Variants in KCNIP4 observed in about 807,000 individuals in gnomAD.
KCNIP4 encodes Kv channel-interacting protein 4.
In KCNIP4, 12 loss-of-function variants were observed where a neutral mutation model predicts 34.0. That is an observed-to-expected ratio of 0.35 (90% CI 0.23 to 0.57). The LOEUF (loss-of-function observed/expected upper bound fraction) is 0.57, where lower values mean the gene tolerates loss of function less well. KCNIP4 is among the 20% of genes least tolerant of loss of function. The pLI is 0.83. For synonymous variants in KCNIP4, 124 were observed against 102.2 expected, an observed-to-expected ratio of 1.21 and a Z score of -1.29; for missense variants, 238 against 311.7, an observed-to-expected ratio of 0.76 and a Z score of 1.78.
chr4:21,271,655 C>T (rs6826133), intron 1 of KCNIP4, among the ~76,000 whole-genome samples: 12 of 152,010 alleles, frequency 7.9e-5, no homozygotes. Flanking sequence ...GCTTCATAAT[C>T]ACCCCCAGGT....
At chr4:20,994,087 A>G (rs1737322599) in intron 1 of KCNIP4, among the ~76,000 whole-genome samples, 1 of 152,170 alleles carries the variant, frequency 6.6e-6, no homozygotes, top group Non-Finnish European at 1.5e-5. Context: ...TACAATTCTT[A>G]TTTTAAGGAC....
intron 1 of KCNIP4, among the ~76,000 whole-genome samples, chr4:21,022,812 T>C (rs1362208804): frequency 6.6e-6 from 1 of 152,158 alleles, no homozygotes; most frequent in African/African-American, 2.4e-5. Flanking sequence ...TCCTATAAGT[T>C]TTTTTGTTTT....
At chr4:21,007,038 T>C (rs1738628353) in intron 1 of KCNIP4, among the ~76,000 whole-genome samples, 1 of 152,212 alleles carries the variant, frequency 6.6e-6, no homozygotes, top group Non-Finnish European at 1.5e-5. Context: ...GAGGGAACAC[T>C]GTTTGAGTCA....
intron 1 of KCNIP4, among the ~76,000 whole-genome samples, chr4:21,606,665 C>T (rs1285967958): frequency 6.6e-6 from 1 of 152,138 alleles, no homozygotes; most frequent in Non-Finnish European, 1.5e-5. Flanking sequence ...ACCATTTCGG[C>T]TCACTGCAAC....
chr4:20,883,189 A>G (rs187152907), intron 1 of KCNIP4, among the ~76,000 whole-genome samples: 2 of 152,268 alleles, frequency 1.3e-5, no homozygotes, highest in African/African-American at 4.8e-5. Flanking sequence ...CATTCACACC[A>G]CAATCACCTG....
At chr4:21,789,810 C>A (rs1247342657) in intron 1 of KCNIP4, among the ~76,000 whole-genome samples, 1 of 152,152 alleles carries the variant, frequency 6.6e-6, no homozygotes, top group Non-Finnish European at 1.5e-5. Flanking sequence ...TTATGTTATT[C>A]CTTCTAGTTA....
chr4:21,630,385 G>C (rs1451732002), intron 1 of KCNIP4, among the ~76,000 whole-genome samples: 1 of 151,714 alleles, frequency 6.6e-6, no homozygotes, highest in Non-Finnish European at 1.5e-5. Flanking sequence ...CTTGGACCTG[G>C]AAGGTGGAGG....
intron 1 of KCNIP4, among the ~76,000 whole-genome samples, chr4:21,281,945 C>A (rs1762801382): frequency 6.6e-6 from 1 of 152,176 alleles, no homozygotes; most frequent in African/African-American, 2.4e-5. Context: ...ATGTCTTGCA[C>A]AACCCCTTCA....
intron 1 of KCNIP4, chr4:21,844,831 C>T (rs1026721439): frequency 6.6e-6 from 1 of 151,882 alleles, no homozygotes. Context: ...ACTACATCAC[C>T]TCCCAAAGAA....
At chr4:20,828,423 C>G (rs1718033866) in intron 3 of KCNIP4, among the ~76,000 whole-genome samples, 1 of 152,186 alleles carries the variant, frequency 6.6e-6, no homozygotes, top group African/African-American at 2.4e-5. Context: ...AAGACTCCGT[C>G]TAAAACAAAG....
At chr4:20,896,654 AC>A (rs2149545028) in intron 1 of KCNIP4, among the ~76,000 whole-genome samples, 1 of 152,254 alleles carries the variant, frequency 6.6e-6, no homozygotes, top group South Asian at 2.1e-4. Flanking sequence ...GAAAGAGCCT[AC>A]CCTGTGGAGA....
chr4:21,506,988 A>G (rs886599953), intron 1 of KCNIP4, among the ~76,000 whole-genome samples: 4 of 151,582 alleles, frequency 2.6e-5, no homozygotes, highest in Admixed American at 2.6e-4. Flanking sequence ...GAGTCTCACT[A>G]TGTTGCCTAG....
chr4:21,195,148 C>T (rs1553952414), intron 1 of KCNIP4, among the ~76,000 whole-genome samples: 1 of 152,216 alleles, frequency 6.6e-6, no homozygotes, highest in Non-Finnish European at 1.5e-5. Context: ...CAAATGTTCT[C>T]TCCCTCAAGG....
chr4:21,639,434 C>G (rs928883082), intron 1 of KCNIP4, among the ~76,000 whole-genome samples: 1 of 152,102 alleles, frequency 6.6e-6, no homozygotes, highest in Admixed American at 6.5e-5. Flanking sequence ...CAATCTTTGT[C>G]ATTAAATAAT....
intron 2 of KCNIP4, 23 bp downstream of exon 2, chr4:20,882,585 A>G: frequency 6.3e-7 from 1 of 1,578,772 alleles, no homozygotes; most frequent in Non-Finnish European, 8.7e-7. Flanking sequence ...GGAGGAAAAA[A>G]AAAAACAAAA....
chr4:21,290,479 T>C (rs903320757), intron 1 of KCNIP4, among the ~76,000 whole-genome samples: 1 of 152,230 alleles, frequency 6.6e-6, no homozygotes, highest in Non-Finnish European at 1.5e-5. Context: ...TGTGTGTATA[T>C]ACCAACCTCC....
intron 1 of KCNIP4, among the ~76,000 whole-genome samples, chr4:21,441,427 G>T (rs2109706200): frequency 6.6e-6 from 1 of 152,182 alleles, no homozygotes. Context: ...ACAGGCATGA[G>T]CCATCGCGCC....
chr4:21,082,032 A>C (rs186513680), intron 1 of KCNIP4, among the ~76,000 whole-genome samples: 7 of 152,022 alleles, frequency 4.6e-5, no homozygotes, highest in Admixed American at 2.0e-4. Context: ...ATTGCTGATG[A>C]TTTCGCAGAA....
At chr4:21,444,824 G>C (rs1560412423) in intron 1 of KCNIP4, among the ~76,000 whole-genome samples, 1 of 152,138 alleles carries the variant, frequency 6.6e-6, no homozygotes, top group Non-Finnish European at 1.5e-5. Context: ...TAGGAAAAGA[G>C]GAAGTCAACT....
Sources: gnomAD v4.1 joint callset for allele counts (sites outside exome capture counted in the v4.1 genomes callset) on GRCh38, gnomAD v4.1.1 for gene constraint, MANE v1.5 for transcripts, NCBI Gene and HGNC (gene_info 2026-07-23, HGNC 2026-07-21) for gene names.